The following MEST variants were observed in gnomAD, a reference collection of about 807,000 sequenced individuals.
MEST encodes mesoderm specific transcript, also known as mesoderm-specific transcript homolog protein.
A neutral mutation model predicts 50.9 loss-of-function variants in MEST; 18 were observed. The observed-to-expected ratio is 0.35, with a 90% CI of 0.24 to 0.52. MEST has a LOEUF of 0.52. Ranked by LOEUF, MEST falls within the 20% of genes least tolerant of loss-of-function variation. The pLI, the probability that MEST is intolerant of heterozygous loss-of-function variation, is 0.94. For synonymous variants in MEST, 130 were observed against 154.1 expected, an observed-to-expected ratio of 0.84 and a Z score of 1.16; for missense variants, 282 against 425.3, an observed-to-expected ratio of 0.66 and a Z score of 2.96.
At position 130,495,541 on chromosome 7, in the gene MEST, G is replaced by A; in HGVS notation, c.181+19G>A. On this transcript the variant is annotated intron_variant, in intron 2 of 11. Coordinates refer to ENST00000223215, the MANE Select transcript of MEST (RefSeq NM_002402.4). The stretch of plus-strand genomic sequence containing the variant: ...TACCAAGGTAAGAAGTGGACTATTG[G>A]AAGTCCTGCGTGTATCGGTCACATA... 2 of 1,611,186 alleles carry A rather than the reference G, an allele frequency of 1.2e-6. No individual in the cohort carries two copies. The highest frequency in any genetic ancestry group is 1.7e-6 in the Non-Finnish European group (2 of 1,178,364).
At position 130,497,266 on chromosome 7, in the gene MEST, T is replaced by C. The variant is rs1372648392; in HGVS notation, c.261+31T>C. The stretch of plus-strand genomic sequence containing the variant: ...GAAGTCAGACTTCTACGTCCTACTA[T>C]GTCTTAAAAAATCTCGGCCGGGCGC... On this transcript the variant is annotated intron_variant, in intron 3 of 11. Transcript: ENST00000223215. This position sits in a 1 kb window ranked among gnomAD's most constrained non-coding sequence, Gnocchi z 4.0. 6 of 1,590,480 alleles carry C rather than the reference T, an allele frequency of 3.8e-6. No homozygotes were observed. Among genetic ancestry groups the C allele is most frequent in the African/African-American group, 1.4e-5 (1 of 73,988 alleles).
chr7:130,500,102 A>G lies in MEST; in HGVS notation c.576+187A>G. 1 of 568,104 alleles carries G rather than the reference A, an allele frequency of 1.8e-6. No individual in the cohort carries two copies. The highest frequency in any genetic ancestry group is 3.1e-6 in the Non-Finnish European group (1 of 326,098). The allele number at this position is 568,104 out of a possible 1,614,324, so 35.2% of individuals were successfully genotyped here. The stretch of plus-strand genomic sequence containing the variant: ...AGCAGAGGCAGTGGCCCCTACGTAA[A>G]CCCAAAACCAATCCTAAGAATAAGA... On this transcript the variant is annotated intron_variant, in intron 7 of 11. Coordinates refer to ENST00000223215, the MANE Select transcript of MEST (RefSeq NM_002402.4). The surrounding 1 kb of genome is among the most constrained non-coding windows in gnomAD (Gnocchi z 5.0).
At position 130,495,537 on chromosome 7, in the gene MEST, A is replaced by G. The variant is rs1799013376; in HGVS notation, c.181+15A>G. ...CTTCTACCAAGGTAAGAAGTGGACT[A>G]TTGGAAGTCCTGCGTGTATCGGTCA... On this transcript the variant is annotated intron_variant, in intron 2 of 11. Transcript: ENST00000223215. 1.2e-6 allele frequency: 2 copies of G among 1,611,912 alleles called. No individual in the cohort carries two copies. Among genetic ancestry groups the G allele is most frequent in the South Asian group, 1.1e-5 (1 of 90,778 alleles).
chr7:130,497,084 T>C lies in MEST; in HGVS notation c.182-72T>C, dbSNP rs1799089328. 3.2e-6 allele frequency: 4 copies of C among 1,241,388 alleles called. No individual in the cohort carries two copies. Among genetic ancestry groups the C allele is most frequent in the African/African-American group, 1.5e-5 (1 of 66,152 alleles). The allele number at this position is 1,241,388 out of a possible 1,614,324, so 76.9% of individuals were successfully genotyped here. On this transcript the variant is annotated intron_variant, in intron 2 of 11. Transcript: ENST00000223215. This position sits in a 1 kb window ranked among gnomAD's most constrained non-coding sequence, Gnocchi z 4.0. ...TTGCTTGTTCTTTGTATCAGATTAC[T>C]TAGATTTTAACATCTTCGAGGTTAT...
Position 130,492,161 on chromosome 7 carries a change from C to A in MEST, c.-153C>A. The A allele has an allele frequency of 2.4e-6, 1 of 420,362 alleles. No individual in the cohort carries two copies. Among genetic ancestry groups the A allele is most frequent in the Non-Finnish European group, 3.7e-6 (1 of 271,450 alleles). The allele number at this position is 420,362 out of a possible 1,614,324, so 26.0% of individuals were successfully genotyped here. A position where few individuals can be genotyped will look rare whatever the true frequency, so the allele number is the denominator to read the frequency against. ...GCAAGCGCAGTGCCGCAGCGCACGCCGGAGTGGCTGTAGCTGCCCGGCGCG... is the reference window on the plus strand; with the variant it reads ...GCAAGCGCAGTGCCGCAGCGCACGCAGGAGTGGCTGTAGCTGCCCGGCGCG... On this transcript the variant is annotated 5_prime_UTR_variant, in exon 1 of 12. Coordinates refer to ENST00000223215, the MANE Select transcript of MEST (RefSeq NM_002402.4). The surrounding 1 kb of genome is among the most constrained non-coding windows in gnomAD (Gnocchi z 7.6).
At chr7:130,489,367 C>G (rs1554434501), upstream of MEST, 1 of 152,298 alleles carries the variant, frequency 6.6e-6, no homozygotes, top group African/African-American at 2.4e-5. Context: ...GGTGCAACTT[C>G]GAGCAAGCCA....
intron 1 of MEST, chr7:130,487,079 ATG>A (rs1798647134): frequency 6.7e-6 from 1 of 149,324 alleles, no homozygotes; most frequent in African/African-American, 2.5e-5. Context: ...GCATAATCTA[ATG>A]TGGGAAGGTA....
intron 2 of MEST, chr7:130,496,215 T>C (rs782565213): frequency 2.2e-6 from 1 of 452,208 alleles, no homozygotes. Context: ...ATTAAGTAAG[T>C]ATACAATTTT....
At chr7:130,502,249 A>G (rs898820584) in intron 9 of MEST, among the ~76,000 whole-genome samples, 1 of 152,256 alleles carries the variant, frequency 6.6e-6, no homozygotes, top group East Asian at 1.9e-4. Context: ...ACAAACCAAC[A>G]AATGAGGAAA....
At position 130,495,510 on chromosome 7, in the gene MEST, A is replaced by G. The variant is rs782497037; in HGVS notation, c.169A>G (p.Ile57Val). Residue 57 changes from isoleucine to valine, a missense_variant, in exon 2 of 12, where the codon ATC becomes GTC. By Grantham distance (29) the Ile-to-Val change is conservative. Coordinates refer to ENST00000223215, the MANE Select transcript of MEST (RefSeq NM_002402.4). ...GTTTTTCACTTACAAGGGACTGCGT[A>G]TCTTCTACCAAGGTAAGAAGTGGAC... Reference protein sequence around the residue: ...GKFFTYKGLRIFYQDSVGVVG... With the variant: ...GKFFTYKGLRVFYQDSVGVVG... The G allele has an allele frequency of 6.2e-7, 1 of 1,613,920 alleles. No homozygotes were observed. The highest frequency in any genetic ancestry group is 8.5e-7 in the Non-Finnish European group (1 of 1,179,910).
intron 9 of MEST, 129 bp downstream of exon 9, chr7:130,501,019 AAAAGTCATGGTC>A (rs1799258544): frequency 3.0e-6 from 2 of 667,046 alleles, no homozygotes; most frequent in Non-Finnish European, 5.1e-6. Context: ...GGGCAAACCA[AAAAGTCATGGTC>A]TATATGAAGA....
chr7:130,504,859 C>A, intron 11 of MEST, 80 bp from the exon 12 acceptor site: 1 of 1,016,574 alleles, frequency 9.8e-7, no homozygotes, highest in South Asian at 1.3e-5. Context: ...TCCACAGGGT[C>A]ATTTACTGGG....
intron 2 of MEST, 83 bp downstream of exon 2, chr7:130,495,605 CTT>C (rs1799017853): frequency 1.5e-6 from 2 of 1,351,560 alleles, no homozygotes; most frequent in African/African-American, 1.4e-5. Context: ...CTATTGGTCT[CTT>C]GTTGCTCCTT....
chr7:130,497,807 G>GT lies in MEST; in HGVS notation c.262-126dup. 1.3e-6 allele frequency: 1 copy of GT among 785,862 alleles called. No homozygotes were observed. Among genetic ancestry groups the GT allele is most frequent in the Non-Finnish European group, 2.2e-6 (1 of 449,266 alleles). The allele number at this position is 785,862 out of a possible 1,614,324, so 48.7% of individuals were successfully genotyped here. A position where few individuals can be genotyped will look rare whatever the true frequency, so the allele number is the denominator to read the frequency against. ...AGGATCATCTGTGGGACCTGTGGTA[G>GT]TTTCATGGCGTTTTCTCTTTATGGA... On this transcript the variant is annotated intron_variant, in intron 3 of 11. Coordinates refer to ENST00000223215, the MANE Select transcript of MEST (RefSeq NM_002402.4). This position sits in a 1 kb window ranked among gnomAD's most constrained non-coding sequence, Gnocchi z 4.0.
chr7:130,497,286 G>T lies in MEST; in HGVS notation c.261+51G>T. 1 of 1,486,432 alleles carries T rather than the reference G, an allele frequency of 6.7e-7. No individual in the cohort carries two copies. The highest frequency in any genetic ancestry group is 1.2e-5 in the South Asian group (1 of 84,792). 92.1% of individuals were successfully genotyped at this position (1,486,432 alleles called of 1,614,324 possible). On this transcript the variant is annotated intron_variant, in intron 3 of 11. Coordinates refer to ENST00000223215, the MANE Select transcript of MEST (RefSeq NM_002402.4). This position sits in a 1 kb window ranked among gnomAD's most constrained non-coding sequence, Gnocchi z 4.0. Reference sequence around the variant, plus strand: ...TACTATGTCTTAAAAAATCTCGGCCGGGCGCGGGGGCTCAAATCCTAGCAC... The same window carrying T: ...TACTATGTCTTAAAAAATCTCGGCCTGGCGCGGGGGCTCAAATCCTAGCAC...
At position 130,500,571 on chromosome 7, in the gene MEST, T is replaced by A; in HGVS notation, c.647+39T>A. The A allele has an allele frequency of 5.1e-6, 8 of 1,580,130 alleles. No homozygotes were observed. Among genetic ancestry groups the A allele is most frequent in the Non-Finnish European group, 6.9e-6 (8 of 1,155,410 alleles). On this transcript the variant is annotated intron_variant, in intron 8 of 11. Coordinates refer to ENST00000223215, the MANE Select transcript of MEST (RefSeq NM_002402.4). The surrounding 1 kb of genome is among the most constrained non-coding windows in gnomAD (Gnocchi z 5.0). ...TCAAAGATTGTGGCCTAGAGCAATG[T>A]CGTGAAAAGTTGCTGCCATTACAAT...
chr7:130,490,692 C>T (rs1448201009), upstream of MEST: 1 of 152,216 alleles, frequency 6.6e-6, no homozygotes, highest in Non-Finnish European at 1.5e-5. Flanking sequence ...TGTCTGTCTT[C>T]CCCTCCAGAT....
At chr7:130,495,243 G>A in intron 1 of MEST, 125 bp from the exon 2 acceptor site, 1 of 941,574 alleles carries the variant, frequency 1.1e-6, no homozygotes, top group Non-Finnish European at 1.6e-6. Flanking sequence ...TTGTGCCTAT[G>A]TGAAGGGCAA....
intron 9 of MEST, among the ~76,000 whole-genome samples, chr7:130,501,224 G>C (rs566542724): frequency 6.6e-6 from 1 of 152,288 alleles, no homozygotes; most frequent in South Asian, 2.1e-4. Context: ...CTTGTACAAA[G>C]AATTCCCATG....
Sources: allele counts gnomAD v4.1 joint callset (sites outside exome capture counted in the v4.1 genomes callset), GRCh38; gene constraint gnomAD v4.1.1; non-coding constraint Gnocchi (gnomAD v3.1); transcripts MANE v1.5; gene names NCBI Gene and HGNC (gene_info 2026-07-23, HGNC 2026-07-21).